Variants in PACRG observed in about 807,000 individuals in gnomAD.
The protein encoded by PACRG is parkin coregulated gene protein.
Under a neutral mutation model 29.7 loss-of-function variants are expected in PACRG, and 29 were observed. The observed-to-expected ratio is 0.98, with a 90% CI of 0.73 to 1.33. PACRG has a LOEUF of 1.33. Ranked by LOEUF, PACRG falls within the 40% of genes most tolerant of loss-of-function variation. The pLI is 0.00. For synonymous variants in PACRG, 116 were observed against 118.7 expected, an observed-to-expected ratio of 0.98 and a Z score of 0.15; for missense variants, 279 against 316.2, an observed-to-expected ratio of 0.88 and a Z score of 0.89.
In PACRG at chr6:163,269,999, GAAAGA is replaced by G. The variant is rs1562350581; in HGVS notation, c.614-44825_614-44821del. Among the ~76,000 whole-genome samples the G allele has an allele frequency of 1.0e-4, 11 of 110,328 alleles. 1 individual carries two copies. The highest frequency in any genetic ancestry group is 6.9e-4 in the South Asian group (2 of 2,914). The allele number at this position is 110,328 out of a possible 152,430, so 72.4% of individuals were successfully genotyped here. ...AGAAAGAAAGAAAGAAAGAAAGAAAGAAAGAAAGGAGGGAGGGAGGGAGGGAGGAA... is the reference window on the plus strand; with the variant it reads ...AGAAAGAAAGAAAGAAAGAAAGAAAGAAGGAGGGAGGGAGGGAGGGAGGAA... On this transcript the variant is annotated intron_variant, in intron 4 of 4. Transcript: ENST00000366888.
chr6:163,077,630 A>G (rs1812667982), intron 3 of PACRG, among the ~76,000 whole-genome samples: 1 of 152,342 alleles, frequency 6.6e-6, no homozygotes, highest in Non-Finnish European at 1.5e-5. Flanking sequence ...AATTTTACTT[A>G]TCTTGACATT....
chr6:163,077,968 T>G (rs1812699701), intron 3 of PACRG, among the ~76,000 whole-genome samples: 3 of 152,150 alleles, frequency 2.0e-5, no homozygotes, highest in Non-Finnish European at 4.4e-5. Context: ...AGGCACAGCA[T>G]GTTTAAAGAG....
intron 2 of PACRG, among the ~76,000 whole-genome samples, chr6:162,969,303 G>C (rs927153941): frequency 4.6e-5 from 7 of 152,040 alleles, no homozygotes; most frequent in Non-Finnish European, 5.9e-5. Flanking sequence ...CCCGTTTCAA[G>C]GGATTGGTGA....
chr6:163,088,511 C>T (rs935428785), intron 3 of PACRG, among the ~76,000 whole-genome samples: 7 of 152,168 alleles, frequency 4.6e-5, no homozygotes, highest in African/African-American at 1.7e-4. Context: ...TATCAGCATC[C>T]TGATTCCCGA....
At chr6:163,022,544 G>A (rs150803243) in intron 2 of PACRG, among the ~76,000 whole-genome samples, 3 of 152,212 alleles carry the variant, frequency 2.0e-5, no homozygotes, top group Non-Finnish European at 2.9e-5. Flanking sequence ...GCAGCTTCGA[G>A]GCATTTGCTT....
chr6:162,941,832 T>G (rs1798651865), intron 2 of PACRG, among the ~76,000 whole-genome samples: 1 of 152,190 alleles, frequency 6.6e-6, no homozygotes, highest in Non-Finnish European at 1.5e-5. Flanking sequence ...TGTTAGAGAT[T>G]ATTGTTAAAC....
At chr6:163,036,128 A>G (rs1808163255) in intron 2 of PACRG, among the ~76,000 whole-genome samples, 1 of 152,260 alleles carries the variant, frequency 6.6e-6, no homozygotes, top group Non-Finnish European at 1.5e-5. Context: ...GCTCAAATTA[A>G]TTGCTAATGC....
At chr6:162,924,160 G>T (rs151057961) in intron 2 of PACRG, among the ~76,000 whole-genome samples, 85 of 151,966 alleles carry the variant, frequency 5.6e-4, no homozygotes, top group African/African-American at 2.0e-3. Flanking sequence ...TTGTAAATAG[G>T]ATTACTTTCT....
At chr6:163,121,198 T>A (rs757033956) in intron 4 of PACRG, among the ~76,000 whole-genome samples, 3 of 152,192 alleles carry the variant, frequency 2.0e-5, no homozygotes, top group Admixed American at 6.5e-5. Flanking sequence ...ATAGAAGTGA[T>A]CATTATTTTG....
chr6:162,927,058 A>G (rs1797497083), intron 2 of PACRG, among the ~76,000 whole-genome samples: 1 of 152,166 alleles, frequency 6.6e-6, no homozygotes, highest in Non-Finnish European at 1.5e-5. Flanking sequence ...AAAAAAGCTC[A>G]ACATCACTGA....
At chr6:163,175,755 G>GGAGGAGGAA (rs1158898240) in intron 4 of PACRG, among the ~76,000 whole-genome samples, 10 of 149,968 alleles carry the variant, frequency 6.7e-5, no homozygotes, top group African/African-American at 2.4e-4. Context: ...AGGAGGAGGA[G>GGAGGAGGAA]GAGGAGGAGG....
chr6:162,855,764 T>C lies in PACRG; in HGVS notation c.291+41483T>C, dbSNP rs182168856. Among the ~76,000 whole-genome samples the C allele has an allele frequency of 7.7e-4, 117 of 152,322 alleles. No individual in the cohort carries two copies. In the East Asian group the frequency reaches 0.011, roughly 15 times the overall value. On this transcript the variant is annotated intron_variant, in intron 2 of 4. Transcript: ENST00000366888. ...TCCCTGCTTCTGGGACGTTTAGTCA[T>C]GTTTTCTCCACTGGAGATGCCTCCA...
chr6:163,036,211 TA>T (rs1157466178), intron 2 of PACRG, among the ~76,000 whole-genome samples: 1 of 152,234 alleles, frequency 6.6e-6, no homozygotes, highest in Non-Finnish European at 1.5e-5. Flanking sequence ...TTTTAAAACT[TA>T]TTTTATCTCT....
chr6:162,823,243 C>A (rs914800536), intron 2 of PACRG, among the ~76,000 whole-genome samples: 2 of 152,014 alleles, frequency 1.3e-5, no homozygotes, highest in African/African-American at 4.8e-5. Context: ...TTAAAAATTG[C>A]TTCCATGTAT....
chr6:163,114,917 T>C (rs915378124), intron 4 of PACRG, among the ~76,000 whole-genome samples: 3 of 151,910 alleles, frequency 2.0e-5, no homozygotes, highest in Non-Finnish European at 4.4e-5. Context: ...AGCTTGATTA[T>C]GATAATCATT....
intron 4 of PACRG, among the ~76,000 whole-genome samples, chr6:163,121,089 T>A (rs1429236894): frequency 6.6e-6 from 1 of 152,226 alleles, no homozygotes; most frequent in Non-Finnish European, 1.5e-5. Context: ...AAGAAATAGC[T>A]ACAGTTAATT....
intron 1 of PACRG, among the ~76,000 whole-genome samples, chr6:162,755,949 G>A (rs1781886625): frequency 6.6e-6 from 1 of 151,698 alleles, no homozygotes; most frequent in Non-Finnish European, 1.5e-5. Context: ...GCATATTTGT[G>A]TATTTTTCAA....
intron 3 of PACRG, among the ~76,000 whole-genome samples, chr6:163,072,335 C>A (rs1812141304): frequency 6.6e-6 from 1 of 151,752 alleles, no homozygotes; most frequent in Non-Finnish European, 1.5e-5. Context: ...ACATCATCAA[C>A]ATATGAATGA....
intron 1 of PACRG, among the ~76,000 whole-genome samples, chr6:162,763,829 C>T (rs1405177852): frequency 6.6e-6 from 1 of 152,154 alleles, no homozygotes; most frequent in African/African-American, 2.4e-5. Context: ...CATGTTTCTT[C>T]CTTATTCCTG....
Sources: gnomAD v4.1 joint callset for allele counts (sites outside exome capture counted in the v4.1 genomes callset) on GRCh38, gnomAD v4.1.1 for gene constraint, MANE v1.5 for transcripts, NCBI Gene and HGNC (gene_info 2026-07-23, HGNC 2026-07-21) for gene names.